MED21: variants seen among roughly 807,000 people sequenced by gnomAD.
MED21 encodes mediator complex subunit 21.
A neutral mutation model predicts 18.2 loss-of-function variants in MED21; 9 were observed. The ratio of observed to expected loss-of-function variants is 0.49; its 90% CI spans 0.30 to 0.86. MED21 has a LOEUF of 0.86. Ranked by LOEUF, MED21 falls within the 40% of genes least tolerant of loss-of-function variation. The probability of loss-of-function intolerance (pLI) is 0.07; values close to 1 mark genes in which losing one functional copy is unlikely to be tolerated. For missense variants in MED21, 150 were observed against 170.9 expected (o/e 0.88, Z 0.68); for synonymous variants, 73 against 60.5 (o/e 1.21, Z -0.96).
At chr12:27,028,098 A>G (rs1941568627) in intron 3 of MED21, among the ~76,000 whole-genome samples, 187 bp from the exon 4 acceptor site, 1 of 152,236 alleles carries the variant, frequency 6.6e-6, no homozygotes, top group African/African-American at 2.4e-5. Flanking sequence ...AGAGATCTCT[A>G]ATTGAAAAGT....
chr12:27,028,650 A>G lies in MED21; in HGVS notation c.*189A>G. The G allele has an allele frequency of 7.9e-7, 1 of 1,266,374 alleles. No individual in the cohort carries two copies. Among genetic ancestry groups the G allele is most frequent in the Non-Finnish European group, 1.0e-6 (1 of 1,002,602 alleles). 78.4% of individuals were successfully genotyped at this position (1,266,374 alleles called of 1,614,324 possible). A position where few individuals can be genotyped will look rare whatever the true frequency, so the allele number is the denominator to read the frequency against. ...AAGCTTATAAAATCATGATTGAATC[A>G]GCTTTAAAGCATCATACCATCATTT... On this transcript the variant is annotated 3_prime_UTR_variant, in exon 4 of 4. Coordinates refer to ENST00000282892, the MANE Select transcript of MED21 (RefSeq NM_004264.5).
downstream of MED21, among the ~76,000 whole-genome samples, chr12:27,034,018 CAAAA>C (rs1164133930): frequency 1.3e-5 from 2 of 152,004 alleles, no homozygotes; most frequent in Admixed American, 6.6e-5. Context: ...AGTTGAGATT[CAAAA>C]AGAGTATGGC....
Position 27,030,122 on chromosome 12 carries a change from G to GTTTTT in MED21, c.*1666_*1670dup, listed in dbSNP as rs144222775. On this transcript the variant is annotated 3_prime_UTR_variant, in exon 4 of 4. Transcript: ENST00000282892. Reference sequence around the variant, plus strand: ...TGTGATTCTCTGTAGAGGATATACAGTTTTTTTTTGTTGTTCTTGTTTCTG... The same window carrying GTTTTT: ...TGTGATTCTCTGTAGAGGATATACAGTTTTTTTTTTTTTTGTTGTTCTTGTTTCTG... The GTTTTT allele has an allele frequency of 6.6e-6, 4 of 604,214 alleles. No homozygotes were observed. The highest frequency in any genetic ancestry group is 5.2e-5 in the Admixed American group (2 of 38,662). The allele number at this position is 604,214 out of a possible 1,614,324, so 37.4% of individuals were successfully genotyped here.
intron 2 of MED21, among the ~76,000 whole-genome samples, chr12:27,036,516 G>C (rs370252338): frequency 6.6e-6 from 1 of 152,174 alleles, no homozygotes; most frequent in Non-Finnish European, 1.5e-5. Context: ...CCTTGCCCAT[G>C]CCTATGTCCT....
At position 27,029,876 on chromosome 12, in the gene MED21, C is replaced by T. The variant is rs532157350; in HGVS notation, c.*1415C>T. Reference sequence around the variant, plus strand: ...AAGGTACAAAGAGAAAAGGTCAAGACATTTTTCAAATGAGGGAAAACTAAC... The same window carrying T: ...AAGGTACAAAGAGAAAAGGTCAAGATATTTTTCAAATGAGGGAAAACTAAC... On this transcript the variant is annotated 3_prime_UTR_variant, in exon 4 of 4. Coordinates refer to ENST00000282892, the MANE Select transcript of MED21 (RefSeq NM_004264.5). 5.9e-5 allele frequency: 57 copies of T among 968,644 alleles called. 1 individual carries two copies. In the South Asian group the frequency reaches 1.8e-3, roughly 30 times the overall value. The allele number at this position is 968,644 out of a possible 1,614,324, so 60.0% of individuals were successfully genotyped here.
intron 1 of MED21, 101 bp downstream of exon 1, chr12:27,022,722 C>T (rs1346357074): frequency 1.0e-5 from 16 of 1,599,910 alleles, no homozygotes; most frequent in Non-Finnish European, 1.4e-5. Context: ...GGGGAGCGGA[C>T]TGAGAGACAG....
At position 27,030,281 on chromosome 12, in the gene MED21, T is replaced by C. The variant is rs1841294342; in HGVS notation, c.*1820T>C. ...AGTAACTGGGACTACAGGCATGTAC[T>C]ACCACGTCCAGCTAATTTTTTTTTT... is the stretch of plus-strand genomic sequence containing the variant. On this transcript the variant is annotated 3_prime_UTR_variant, in exon 4 of 4. Transcript: ENST00000282892. 2 of 523,328 alleles carry C rather than the reference T, an allele frequency of 3.8e-6. No homozygotes were observed. Among genetic ancestry groups the C allele is most frequent in the Non-Finnish European group, 3.4e-6 (1 of 290,446 alleles). 32.4% of individuals were successfully genotyped at this position (523,328 alleles called of 1,614,324 possible).
chr12:27,028,474 C>A lies in MED21; in HGVS notation c.*13C>A, dbSNP rs773409750. 4 of 1,606,034 alleles carry A rather than the reference C, an allele frequency of 2.5e-6. No individual in the cohort carries two copies. In the South Asian group the frequency reaches 3.3e-5, roughly 13 times the overall value. ...TCCAGACTCATAGCATCAGTGGATACCATGTGGCTGAGAAAAGAACTGTTT... is the reference window on the plus strand; with the variant it reads ...TCCAGACTCATAGCATCAGTGGATAACATGTGGCTGAGAAAAGAACTGTTT... On this transcript the variant is annotated 3_prime_UTR_variant, in exon 4 of 4. Coordinates refer to ENST00000282892, the MANE Select transcript of MED21 (RefSeq NM_004264.5).
chr12:27,029,716 T>C lies in MED21; in HGVS notation c.*1255T>C, dbSNP rs1308856521. 4 of 984,684 alleles carry C rather than the reference T, an allele frequency of 4.1e-6. No individual in the cohort carries two copies. Among genetic ancestry groups the C allele is most frequent in the African/African-American group, 1.7e-5 (1 of 57,228 alleles). The allele number at this position is 984,684 out of a possible 1,614,324, so 61.0% of individuals were successfully genotyped here. On this transcript the variant is annotated 3_prime_UTR_variant, in exon 4 of 4. Coordinates refer to ENST00000282892, the MANE Select transcript of MED21 (RefSeq NM_004264.5). Reference sequence around the variant, plus strand: ...AATTTTTGAACTTTTAACTGTATTTTAATTGATGTTTATTAAAAACACTTT... The same window carrying C: ...AATTTTTGAACTTTTAACTGTATTTCAATTGATGTTTATTAAAAACACTTT...
downstream of MED21, among the ~76,000 whole-genome samples, chr12:27,035,243 CCTT>C (rs1179969709): frequency 2.6e-5 from 4 of 152,070 alleles, no homozygotes; most frequent in African/African-American, 7.2e-5. Context: ...AGTAATAAAA[CCTT>C]CTAGCCACCA....
intron 1 of MED21, chr12:27,022,909 C>T (rs796490711): frequency 9.0e-6 from 12 of 1,329,388 alleles, no homozygotes; most frequent in South Asian, 1.4e-5. Flanking sequence ...GCGGTCCTGT[C>T]GTGTTCCCTG....
downstream of MED21, among the ~76,000 whole-genome samples, chr12:27,032,086 A>G (rs1941623768): frequency 6.6e-6 from 1 of 152,092 alleles, no homozygotes; most frequent in South Asian, 2.1e-4. Flanking sequence ...ACCCATATCT[A>G]AGTTGTTTAA....
At position 27,027,154 on chromosome 12, in the gene MED21, C is replaced by T. The variant is rs192599213; in HGVS notation, c.158-193C>T. On this transcript the variant is annotated intron_variant, in intron 2 of 3. Coordinates refer to ENST00000282892, the MANE Select transcript of MED21 (RefSeq NM_004264.5). ...ATGTTGGTCAGGCTGGTCTCAAACT[C>T]CTGACCTCGTGATCCGCCTGCCTTG... 1.6e-4 allele frequency among the ~76,000 whole-genome samples: 25 copies of T among 152,302 alleles called. No homozygotes were observed. The East Asian group carries it at 4.6e-3, about 28-fold the overall frequency.
At chr12:27,031,057 A>T (rs569073091), downstream of MED21, among the ~76,000 whole-genome samples, 4 of 151,980 alleles carry the variant, frequency 2.6e-5, no homozygotes, top group Non-Finnish European at 5.9e-5. Context: ...ACAGGCAGGC[A>T]CCACCATGCC....
chr12:27,023,300 C>CTTTCTT (rs1555110747), intron 1 of MED21, among the ~76,000 whole-genome samples: 4 of 110,438 alleles, frequency 3.6e-5, no homozygotes, highest in South Asian at 5.8e-4. Flanking sequence ...TTTTTCTTTT[C>CTTTCTT]TTTTTTTTTT....
Position 27,028,974 on chromosome 12 carries a change from A to G in MED21, c.*513A>G. ...AGAAATAGAGTTAGTGTGGCTGGAT[A>G]AGAAAGTCACATTTATGCAAATGTT... is the stretch of plus-strand genomic sequence containing the variant. On this transcript the variant is annotated 3_prime_UTR_variant, in exon 4 of 4. Coordinates refer to ENST00000282892, the MANE Select transcript of MED21 (RefSeq NM_004264.5). 6.1e-6 allele frequency: 6 copies of G among 985,522 alleles called. No homozygotes were observed. Among genetic ancestry groups the G allele is most frequent in the Non-Finnish European group, 6.0e-6 (5 of 830,000 alleles). The allele number at this position is 985,522 out of a possible 1,614,324, so 61.0% of individuals were successfully genotyped here.
chr12:27,023,300 C>CTTTTTTTTTTTTTTTTTTT (rs71437317), intron 1 of MED21, among the ~76,000 whole-genome samples: 169 of 110,360 alleles, frequency 1.5e-3, no homozygotes, highest in African/African-American at 2.5e-3. Flanking sequence ...TTTTTCTTTT[C>CTTTTTTTTTTTTTTTTTTT]TTTTTTTTTT....
rs1346533397 is a variant in MED21, at chr12:27,029,504, A to G, written c.*1043A>G. On this transcript the variant is annotated 3_prime_UTR_variant, in exon 4 of 4. Coordinates refer to ENST00000282892, the MANE Select transcript of MED21 (RefSeq NM_004264.5). ...TATTTTTCAGAATATGCTGAGCTAC[A>G]TTTGCTGCAATCTGTTGCTATTCAG... 1 of 985,434 alleles carries G rather than the reference A, an allele frequency of 1.0e-6. No individual in the cohort carries two copies. Among genetic ancestry groups the G allele is most frequent in the Non-Finnish European group, 1.2e-6 (1 of 829,926 alleles). 61.0% of individuals were successfully genotyped at this position (985,434 alleles called of 1,614,324 possible).
At chr12:27,037,451 G>T (rs1441871871) in intron 2 of MED21, 1 of 151,746 alleles carries the variant, frequency 6.6e-6, no homozygotes, top group African/African-American at 2.4e-5. Context: ...CTGCCTAATT[G>T]CCCTGGCCAG....
Sources: gnomAD v4.1 joint callset for allele counts (sites outside exome capture counted in the v4.1 genomes callset) on GRCh38, gnomAD v4.1.1 for gene constraint, MANE v1.5 for transcripts, NCBI Gene and HGNC (gene_info 2026-07-23, HGNC 2026-07-21) for gene names.